Variants in TNIK observed in about 807,000 individuals in gnomAD.
TNIK encodes TRAF2 and NCK-interacting protein kinase.
Under a neutral mutation model 191.3 loss-of-function variants are expected in TNIK, and 49 were observed. The observed-to-expected ratio is 0.26, with a 90% CI of 0.20 to 0.32. The LOEUF is 0.32. Among genes scored for constraint, TNIK ranks in the 10% least tolerant of loss-of-function variants. The probability of loss-of-function intolerance (pLI) is 1.00; values close to 1 mark genes in which losing one functional copy is unlikely to be tolerated. For missense variants in TNIK, 1,155 were observed against 1,702.3 expected, an observed-to-expected ratio of 0.68 and a Z score of 5.66; for synonymous variants, 594 against 600.9, an observed-to-expected ratio of 0.99 and a Z score of 0.17.
At position 171,394,428 on chromosome 3, in the gene TNIK, C is replaced by T. The variant is rs962894440; in HGVS notation, c.58-24743G>A. On this transcript the variant is annotated intron_variant, in intron 1 of 32. Transcript: ENST00000436636. ...CAATCTTTTGAGGTCCCACAGCCTC[C>T]TATGCTTTATTATATTATTACCACA... Among the ~76,000 whole-genome samples the T allele has an allele frequency of 2.0e-5, 3 of 152,274 alleles. No individual in the cohort carries two copies. The East Asian group carries it at 5.8e-4, about 29-fold the overall frequency.
intron 23 of TNIK, among the ~76,000 whole-genome samples, chr3:171,088,532 C>T (rs1379543228): frequency 6.6e-6 from 1 of 152,082 alleles, no homozygotes; most frequent in Admixed American, 6.5e-5. Flanking sequence ...CATGCCCGGC[C>T]AAAGGTATTT....
intron 4 of TNIK, among the ~76,000 whole-genome samples, chr3:171,206,002 T>G (rs1288261666): frequency 6.6e-6 from 1 of 152,150 alleles, no homozygotes; most frequent in African/African-American, 2.4e-5. Context: ...CACACAAATG[T>G]TTAGTCCATA....
intron 1 of TNIK, among the ~76,000 whole-genome samples, chr3:171,374,043 A>G (rs1416226693): frequency 2.0e-5 from 3 of 152,220 alleles, no homozygotes; most frequent in Non-Finnish European, 4.4e-5. Context: ...CATGCTGTCC[A>G]ATACATAACT....
intron 28 of TNIK, 30 bp from the exon 29 acceptor site, chr3:171,071,353 T>A (rs1345913116): frequency 1.4e-6 from 2 of 1,419,876 alleles, no homozygotes; most frequent in South Asian, 2.6e-5. Flanking sequence ...AGTGAAAAAG[T>A]ACATCAATTT....
At chr3:171,415,218 A>G (rs1560043205) in intron 1 of TNIK, among the ~76,000 whole-genome samples, 1 of 152,090 alleles carries the variant, frequency 6.6e-6, no homozygotes, top group Non-Finnish European at 1.5e-5. Flanking sequence ...CAAACCATCT[A>G]ATCTTATTAA....
chr3:171,231,184 G>A (rs61792434), intron 2 of TNIK, among the ~76,000 whole-genome samples: 12,444 of 152,286 alleles, frequency 0.082, 645 homozygotes, highest in South Asian at 0.15. Context: ...TAAAAGTGAC[G>A]TGTGTTACAT....
At chr3:171,170,929 G>A (rs1435625601) in intron 9 of TNIK, among the ~76,000 whole-genome samples, 2 of 152,134 alleles carry the variant, frequency 1.3e-5, no homozygotes, top group African/African-American at 4.8e-5. Context: ...GCATGCACCT[G>A]TAGTTCTAGC....
intron 2 of TNIK, among the ~76,000 whole-genome samples, chr3:171,291,999 T>G (rs1406331512): frequency 3.9e-5 from 6 of 152,244 alleles, no homozygotes; most frequent in Non-Finnish European, 7.3e-5. Context: ...TTACTTCTAC[T>G]GTGCTATTAA....
chr3:171,119,081 A>T (rs1727235590), intron 18 of TNIK, among the ~76,000 whole-genome samples: 1 of 152,218 alleles, frequency 6.6e-6, no homozygotes, highest in East Asian at 1.9e-4. Flanking sequence ...TCTACAAAGA[A>T]CTCAAACAAA....
chr3:171,238,143 G>A lies in TNIK; in HGVS notation c.124-9922C>T, dbSNP rs867114115. ...AGACCTGCATATTGTTCTCTGGGAAGGAGGGTGAGAGGACAAAAAGGACAT... is the reference window on the plus strand; with the variant it reads ...AGACCTGCATATTGTTCTCTGGGAAAGAGGGTGAGAGGACAAAAAGGACAT... On this transcript the variant is annotated intron_variant, in intron 2 of 32. Coordinates refer to ENST00000436636, the MANE Select transcript of TNIK (RefSeq NM_015028.4). 8.5e-5 allele frequency among the ~76,000 whole-genome samples: 13 copies of A among 152,276 alleles called. No individual in the cohort carries two copies. In the South Asian group the frequency reaches 2.5e-3, roughly 29 times the overall value.
intron 1 of TNIK, among the ~76,000 whole-genome samples, chr3:171,406,656 G>A (rs1288026289): frequency 6.6e-6 from 1 of 152,186 alleles, no homozygotes; most frequent in African/African-American, 2.4e-5. Flanking sequence ...TGGACGTGAA[G>A]TCCTGGCCTC....
chr3:171,079,575 T>C lies in TNIK; in HGVS notation c.3391A>G (p.Lys1131Glu). 1.9e-6 allele frequency: 3 copies of C among 1,613,790 alleles called. No homozygotes were observed. Among genetic ancestry groups the C allele is most frequent in the Non-Finnish European group, 2.5e-6 (3 of 1,179,796 alleles). The change falls in exon 28 of 33, where the codon AAG (lysine) becomes GAG (glutamate). Residue 1131 changes from lysine to glutamate, a missense_variant. Lys to Glu is a moderately conservative substitution (Grantham distance 56). This residue lies in a region of TNIK where 195 missense variants were observed against 415.4 expected (regional missense o/e 0.47). Coordinates refer to ENST00000436636, the MANE Select transcript of TNIK (RefSeq NM_015028.4). The part of the protein sequence containing the change: ...RILHNDPEVE[K>E]KQGWITVGDL... The stretch of plus-strand genomic sequence containing the variant: ...CCAACAGTGATCCAGCCTTGTTTCT[T>C]TTCTACTTCTGGGTCATTATGTAGT...
chr3:171,264,063 TAC>T (rs1286630900), intron 2 of TNIK, among the ~76,000 whole-genome samples: 16 of 94,446 alleles, frequency 1.7e-4, no homozygotes, highest in South Asian at 7.0e-4. Context: ...TGTATATATA[TAC>T]ATACACACAC....
At chr3:171,300,210 T>C (rs900081276) in intron 2 of TNIK, among the ~76,000 whole-genome samples, 2 of 152,244 alleles carry the variant, frequency 1.3e-5, no homozygotes, top group African/African-American at 4.8e-5. Context: ...AGCACATTTA[T>C]AAGTAACTTT....
At chr3:171,248,475 A>AGCC (rs1745860764) in intron 2 of TNIK, among the ~76,000 whole-genome samples, 1 of 152,254 alleles carries the variant, frequency 6.6e-6, no homozygotes, top group Non-Finnish European at 1.5e-5. Context: ...CATGTTGGCT[A>AGCC]AAAATGATTA....
At chr3:171,250,487 T>C (rs1383857725) in intron 2 of TNIK, among the ~76,000 whole-genome samples, 1 of 152,156 alleles carries the variant, frequency 6.6e-6, no homozygotes, top group African/African-American at 2.4e-5. Context: ...ACTTAAAAAA[T>C]TAGAAATGAA....
intron 11 of TNIK, among the ~76,000 whole-genome samples, chr3:171,160,893 C>G (rs562227449): frequency 6.6e-6 from 1 of 152,156 alleles, no homozygotes; most frequent in East Asian, 1.9e-4. Flanking sequence ...TGTGAAGTAA[C>G]GAACTGAATA....
chr3:171,374,150 G>A (rs955627412), intron 1 of TNIK, among the ~76,000 whole-genome samples: 2 of 152,170 alleles, frequency 1.3e-5, no homozygotes. Context: ...TCAGAATGTA[G>A]AGCCAAAGGT....
At chr3:171,168,583 T>A (rs2108759222) in intron 9 of TNIK, among the ~76,000 whole-genome samples, 1 of 151,918 alleles carries the variant, frequency 6.6e-6, no homozygotes, top group South Asian at 2.1e-4. Context: ...TCACTGGTAT[T>A]TTTTTTTTCC....
Sources: allele counts gnomAD v4.1 joint callset (sites outside exome capture counted in the v4.1 genomes callset), GRCh38; gene constraint gnomAD v4.1.1; regional missense constraint gnomAD v4.1.1; transcripts MANE v1.5; gene names NCBI Gene and HGNC (gene_info 2026-07-23, HGNC 2026-07-21).